MPPED2: variants seen among roughly 807,000 people sequenced by gnomAD.
MPPED2 encodes metallophosphoesterase domain containing 2.
MPPED2 carries 5 observed loss-of-function variants against 33.0 expected under a neutral mutation model. That is an observed-to-expected ratio of 0.15 (90% CI 0.08 to 0.32). The LOEUF is 0.32. Among genes scored for constraint, MPPED2 ranks in the 10% least tolerant of loss-of-function variants. MPPED2 has a pLI of 1.00. For synonymous variants in MPPED2, 136 were observed against 141.9 expected (o/e 0.96, Z 0.29); for missense variants, 275 against 372.1 (o/e 0.74, Z 2.15).
chr11:30,484,235 T>C (rs994229008), intron 4 of MPPED2, among the ~76,000 whole-genome samples: 1 of 152,148 alleles, frequency 6.6e-6, no homozygotes, highest in African/African-American at 2.4e-5. Context: ...GGAAATTTCA[T>C]CCTAGGAAGA....
chr11:30,468,537 G>T (rs1056726819), intron 4 of MPPED2, among the ~76,000 whole-genome samples: 1 of 152,078 alleles, frequency 6.6e-6, no homozygotes, highest in Non-Finnish European at 1.5e-5. Context: ...AGGCCAAGGG[G>T]AAAAAGAGGG....
intron 3 of MPPED2, among the ~76,000 whole-genome samples, chr11:30,528,761 G>A (rs1190906194): frequency 6.6e-6 from 1 of 152,052 alleles, no homozygotes; most frequent in Non-Finnish European, 1.5e-5. Flanking sequence ...TCCAGCTATC[G>A]TCATCTTTTA....
At chr11:30,470,973 T>C (rs942871388) in intron 4 of MPPED2, among the ~76,000 whole-genome samples, 1 of 152,198 alleles carries the variant, frequency 6.6e-6, no homozygotes, top group African/African-American at 2.4e-5. Context: ...TGCCCAGCTA[T>C]ATCCTGAGAA....
intron 4 of MPPED2, among the ~76,000 whole-genome samples, chr11:30,463,693 A>G (rs1397562103): frequency 6.6e-6 from 1 of 152,242 alleles, no homozygotes; most frequent in Non-Finnish European, 1.5e-5. Flanking sequence ...TTAAGGCCAC[A>G]TCAAAATCTC....
chr11:30,512,687 CCAAATTATGTA>C (rs1168109726), intron 3 of MPPED2, among the ~76,000 whole-genome samples: 2 of 152,138 alleles, frequency 1.3e-5, no homozygotes, highest in African/African-American at 2.4e-5. Flanking sequence ...GTTTGATCTT[CCAAATTATGTA>C]CAAGTTAAAA....
At chr11:30,489,177 C>G (rs956198494) in intron 4 of MPPED2, among the ~76,000 whole-genome samples, 4 of 152,060 alleles carry the variant, frequency 2.6e-5, no homozygotes, top group Admixed American at 6.6e-5. Flanking sequence ...TTCTAATCCT[C>G]TCACTCAATA....
downstream of MPPED2, among the ~76,000 whole-genome samples, chr11:30,405,425 C>T (rs1947974460): frequency 6.6e-6 from 1 of 152,092 alleles, no homozygotes; most frequent in African/African-American, 2.4e-5. Context: ...TTTAGTCTAC[C>T]CATGCTTTTA....
chr11:30,583,873 C>T (rs952583247), intron 1 of MPPED2, among the ~76,000 whole-genome samples: 4 of 152,174 alleles, frequency 2.6e-5, no homozygotes, highest in Admixed American at 6.5e-5. Flanking sequence ...CCGAGCCTGG[C>T]GGGACTTTGG....
At chr11:30,454,127 T>C (rs1950178841) in intron 4 of MPPED2, among the ~76,000 whole-genome samples, 1 of 152,218 alleles carries the variant, frequency 6.6e-6, no homozygotes, top group Admixed American at 6.5e-5. Context: ...AAGGAGACTA[T>C]TGTTGCTTGA....
At chr11:30,509,559 C>T (rs1953030901) in intron 3 of MPPED2, among the ~76,000 whole-genome samples, 1 of 152,136 alleles carries the variant, frequency 6.6e-6, no homozygotes, top group Non-Finnish European at 1.5e-5. Flanking sequence ...TTGCAGAGGC[C>T]ACTCTTTATA....
At chr11:30,463,850 T>TTATA (rs3064881) in intron 4 of MPPED2, among the ~76,000 whole-genome samples, 146 of 150,706 alleles carry the variant, frequency 9.7e-4, no homozygotes, top group Admixed American at 1.6e-3. Flanking sequence ...AACTGTTATT[T>TTATA]TATATATATA....
At chr11:30,559,594 A>C (rs1489864200) in intron 2 of MPPED2, among the ~76,000 whole-genome samples, 1 of 152,188 alleles carries the variant, frequency 6.6e-6, no homozygotes, top group Non-Finnish European at 1.5e-5. Flanking sequence ...ACATTCTTTT[A>C]AATAATATGG....
intron 3 of MPPED2, among the ~76,000 whole-genome samples, chr11:30,513,609 G>GTGA (rs1246415153): frequency 6.6e-6 from 1 of 152,146 alleles, no homozygotes; most frequent in African/African-American, 2.4e-5. Flanking sequence ...AACATAACAG[G>GTGA]TGATGATAGG....
At chr11:30,466,096 T>G (rs1224442265) in intron 4 of MPPED2, among the ~76,000 whole-genome samples, 1 of 152,312 alleles carries the variant, frequency 6.6e-6, no homozygotes, top group East Asian at 1.9e-4. Flanking sequence ...ACTCCATGAG[T>G]GCACACTCTT....
intron 6 of MPPED2, among the ~76,000 whole-genome samples, chr11:30,400,594 G>T (rs1249673435): frequency 6.6e-6 from 1 of 152,136 alleles, no homozygotes; most frequent in Non-Finnish European, 1.5e-5. Flanking sequence ...TCATTAACCT[G>T]TCATGAGACA....
intron 4 of MPPED2, among the ~76,000 whole-genome samples, chr11:30,469,657 G>T (rs145577187): frequency 1.3e-5 from 2 of 152,194 alleles, no homozygotes; most frequent in African/African-American, 2.4e-5. Context: ...ATAGAGAGGT[G>T]TGTAAAGCCC....
intron 2 of MPPED2, among the ~76,000 whole-genome samples, chr11:30,549,670 A>G (rs1181105980): frequency 6.6e-6 from 1 of 152,132 alleles, no homozygotes; most frequent in African/African-American, 2.4e-5. Context: ...CCTAAAAACA[A>G]AAACAAAAAC....
chr11:30,385,915 T>C (rs1947697536), exon 7 of MPPED2: 1 of 152,226 alleles, frequency 6.6e-6, no homozygotes, highest in African/African-American at 2.4e-5. Flanking sequence ...ATCCCATTTC[T>C]TATTTTCTTC....
chr11:30,388,951 G>T (rs1397184266), exon 7 of MPPED2: 7 of 1,560,886 alleles, frequency 4.5e-6, no homozygotes, highest in Non-Finnish European at 6.1e-6. Flanking sequence ...ATGCTCACAG[G>T]GTTTACTAAA....
Sources: allele counts gnomAD v4.1 joint callset (sites outside exome capture counted in the v4.1 genomes callset), GRCh38; gene constraint gnomAD v4.1.1; transcripts MANE v1.5; gene names NCBI Gene and HGNC (gene_info 2026-07-23, HGNC 2026-07-21).